A4GNT: variants seen among roughly 807,000 people sequenced by gnomAD.
The protein encoded by A4GNT is alpha-1,4-N-acetylglucosaminyltransferase.
Under a neutral mutation model 8.3 loss-of-function variants are expected in A4GNT, and 6 were observed. That is an observed-to-expected ratio of 0.72 (90% confidence interval 0.39 to 1.42). The LOEUF is 1.42. Ranked by LOEUF, A4GNT falls within the 40% of genes most tolerant of loss-of-function variation. A4GNT has a pLI of 0.02. For missense variants in A4GNT, 377 were observed against 417.0 expected, an observed-to-expected ratio of 0.90 and a Z score of 0.84; for synonymous variants, 157 against 159.8, an observed-to-expected ratio of 0.98 and a Z score of 0.13.
At position 138,124,239 on chromosome 3, in the gene A4GNT, C is replaced by A. The variant is rs754408747; in HGVS notation, c.*25G>T. On this transcript the variant is annotated 3_prime_UTR_variant, in exon 3 of 3. Transcript: ENST00000236709. ...CCAGGAAATGTCCATTTCCACACTG[C>A]AGCAGCAGCAAACGAGTGTTAGCTT... 7 of 1,595,802 alleles carry A rather than the reference C, an allele frequency of 4.4e-6. No individual in the cohort carries two copies. In the South Asian group the frequency reaches 6.7e-5, roughly 15 times the overall value.
Position 138,124,787 on chromosome 3 carries a change from T to C in A4GNT, c.500A>G (p.Asp167Gly), listed in dbSNP as rs754175702. ...GGGCCTGATGGAGATGACATCGGTG[T>C]CCATGTAGATGCCACCGTATTTCCA... ...IIWKYGGIYM[D>G]TDVISIRPIP... The change falls in exon 3 of 3, where the codon GAC becomes GGC. Residue 167 changes from aspartate (D) to glycine (G), a missense_variant. By Grantham distance (94) the Asp-to-Gly change is moderately conservative. Coordinates refer to ENST00000236709, the MANE Select transcript of A4GNT (RefSeq NM_016161.3). The C allele has an allele frequency of 2.1e-4, 339 of 1,613,948 alleles. No individual in the cohort carries two copies. The highest frequency in any genetic ancestry group is 2.8e-4 in the Non-Finnish European group (333 of 1,180,024).
rs2042773111 is a variant in A4GNT at position 138,130,997 on chromosome 3, A to G, written c.260T>C (p.Met87Thr). 1 of 1,614,180 alleles carries G rather than the reference A, an allele frequency of 6.2e-7. No homozygotes were observed. Among genetic ancestry groups the G allele is most frequent in the African/African-American group, 1.3e-5 (1 of 75,048 alleles). The change falls in exon 2 of 3, where the codon ATG (methionine) becomes ACG (threonine). Residue 87 changes from methionine to threonine, a missense_variant. Transcript: ENST00000236709. Reference sequence around the variant, plus strand: ...CGGTGTGGAATCAGTAAGACCCTTCATAAAGAACACCACAGGCCACTCAGG... The same window carrying G: ...CGGTGTGGAATCAGTAAGACCCTTCGTAAAGAACACCACAGGCCACTCAGG... ...IYPEWPVVFF[M>T]KGLTDSTPMP...
At position 138,128,481 on chromosome 3, in the gene A4GNT, G is replaced by T. The variant is rs535501314; in HGVS notation, c.408+2368C>A. On this transcript the variant is annotated intron_variant, in intron 2 of 2. Coordinates refer to ENST00000236709, the MANE Select transcript of A4GNT (RefSeq NM_016161.3). Reference sequence around the variant, plus strand: ...GCAAGAGAGAGAGTGGGGGTGGGGGGGTAGGTGCCACACACTTTTAAACAA... The same window carrying T: ...GCAAGAGAGAGAGTGGGGGTGGGGGTGTAGGTGCCACACACTTTTAAACAA... 1.6e-3 allele frequency among the ~76,000 whole-genome samples: 248 copies of T among 151,546 alleles called. 1 individual carries two copies. The highest frequency in any genetic ancestry group is 3.0e-3 in the Non-Finnish European group (201 of 67,910).
At chr3:138,132,395 T>G (rs1391638825), upstream of A4GNT, 1 of 152,246 alleles carries the variant, frequency 6.6e-6, no homozygotes, top group Admixed American at 6.5e-5. Flanking sequence ...AATGACAAGT[T>G]CTTCCTGCTA....
chr3:138,123,905 C>T lies in A4GNT; in HGVS notation c.*359G>A. On this transcript the variant is annotated 3_prime_UTR_variant, in exon 3 of 3. Coordinates refer to ENST00000236709, the MANE Select transcript of A4GNT (RefSeq NM_016161.3). Reference sequence around the variant, plus strand: ...CATTTTTTCTTCCTCCTTAAACTTCCCAGCCTCTCTTGCAGCTACATCTCA... The same window carrying T: ...CATTTTTTCTTCCTCCTTAAACTTCTCAGCCTCTCTTGCAGCTACATCTCA... 1 of 192,670 alleles carries T rather than the reference C, an allele frequency of 5.2e-6. No individual in the cohort carries two copies. Among genetic ancestry groups the T allele is most frequent in the Admixed American group, 5.5e-5 (1 of 18,260 alleles). 11.9% of individuals were successfully genotyped at this position (192,670 alleles called of 1,614,324 possible). A position where few individuals can be genotyped will look rare whatever the true frequency, so the allele number is the denominator to read the frequency against.
At chr3:138,129,224 T>A (rs990590688) in intron 2 of A4GNT, among the ~76,000 whole-genome samples, 7 of 152,184 alleles carry the variant, frequency 4.6e-5, no homozygotes, top group African/African-American at 7.2e-5. Flanking sequence ...TCCTGGAACC[T>A]GTTAATGTTA....
At position 138,124,484 on chromosome 3, in the gene A4GNT, C is replaced by A. The variant is rs771878705; in HGVS notation, c.803G>T (p.Trp268Leu). Residue 268 changes from tryptophan (W) to leucine (L), a missense_variant, in exon 3 of 3, where the codon TGG (tryptophan) becomes TTG (leucine). Physicochemically the swap from Trp to Leu is moderately conservative, Grantham distance 61 (BLOSUM62 -2). Transcript: ENST00000236709. ...QRFYPISYRE[W>L]RRYYEVWDTE... ...ATCCCACACTTCATAGTAGCGCCTC[C>A]ACTCTCGATAGGAGATGGGGTAAAA... 3.1e-6 allele frequency: 5 copies of A among 1,614,208 alleles called. No individual in the cohort carries two copies. The highest frequency in any genetic ancestry group is 3.3e-5 in the Admixed American group (2 of 60,032).
In A4GNT at chr3:138,130,873, T is replaced by C; in HGVS notation, c.384A>G (p.Thr128=). The C allele has an allele frequency of 1.2e-6, 2 of 1,614,074 alleles. No individual in the cohort carries two copies. Among genetic ancestry groups the C allele is most frequent in the East Asian group, 2.2e-5 (1 of 44,886 alleles). The part of the protein sequence containing the change: ...PLDMKRLLED[T]PLFSWYNQIN... ...CTTGATTGTACCATGAAAACAATGGTGTGTCTTCAAGCAGCCTTTTCATAT... is the reference window on the plus strand; with the variant it reads ...CTTGATTGTACCATGAAAACAATGGCGTGTCTTCAAGCAGCCTTTTCATAT... The change falls in exon 2 of 3, where the codon ACA becomes ACG. Residue 128 remains threonine (T), a synonymous_variant. Transcript: ENST00000236709.
chr3:138,130,887 G>A lies in A4GNT; in HGVS notation c.370C>T (p.Leu124=), dbSNP rs753881517. 38 of 1,614,004 alleles carry A rather than the reference G, an allele frequency of 2.4e-5. 1 individual carries two copies. The highest frequency in any genetic ancestry group is 2.1e-4 in the African/African-American group (16 of 74,892). ...GAAAACAATGGTGTGTCTTCAAGCA[G>A]CCTTTTCATATCCAAAGGGAAGAGG... is the stretch of plus-strand genomic sequence containing the variant. ...VFLFPLDMKR[L]LEDTPLFSWY... is the part of the protein sequence containing the mutation. The change falls in exon 2 of 3, where the codon CTG becomes TTG. Residue 124 remains leucine (L), a synonymous_variant. Transcript: ENST00000236709.
At chr3:138,133,160 T>C (rs1414993928), upstream of A4GNT, among the ~76,000 whole-genome samples, 2 of 152,222 alleles carry the variant, frequency 1.3e-5, no homozygotes, top group African/African-American at 4.8e-5. Context: ...GGCCTGCTCC[T>C]GAGCAGACTT....
chr3:138,130,527 C>T (rs1403811396), intron 2 of A4GNT, among the ~76,000 whole-genome samples: 1 of 151,494 alleles, frequency 6.6e-6, no homozygotes, highest in Non-Finnish European at 1.5e-5. Context: ...TAAAGTTTAA[C>T]ATAAGTGGAT....
chr3:138,125,991 A>G (rs1163285860), intron 2 of A4GNT, among the ~76,000 whole-genome samples: 1 of 152,204 alleles, frequency 6.6e-6, no homozygotes, highest in Non-Finnish European at 1.5e-5. Flanking sequence ...GTTATTTGAA[A>G]GGTTTAGAAG....
At chr3:138,131,910 A>G (rs927228792) in intron 1 of A4GNT, among the ~76,000 whole-genome samples, 7 of 152,240 alleles carry the variant, frequency 4.6e-5, no homozygotes, top group Admixed American at 4.6e-4. Context: ...GATCAGGAAT[A>G]TGATATGAAT....
chr3:138,124,421 A>C lies in A4GNT; in HGVS notation c.866T>G (p.Leu289Trp). ...PSFNVSYALH[L>W]WNHMNQEGRA... is the part of the protein sequence containing the mutation. ...CCCCTCCTGGTTCATGTGGTTCCAC[A>C]AATGCAGGGCATAAGAGACATTGAA... The change falls in exon 3 of 3, where the codon TTG becomes TGG. Residue 289 changes from leucine to tryptophan, a missense_variant. Transcript: ENST00000236709. The C allele has an allele frequency of 6.2e-7, 1 of 1,614,236 alleles. No individual in the cohort carries two copies. Among genetic ancestry groups the C allele is most frequent in the Non-Finnish European group, 8.5e-7 (1 of 1,180,054 alleles).
rs562853248 is a variant in A4GNT, at chr3:138,132,301, T to A, written c.-116A>T. 1 of 152,322 alleles carries A rather than the reference T, an allele frequency of 6.6e-6. No homozygotes were observed. The highest frequency in any genetic ancestry group is 2.4e-5 in the African/African-American group (1 of 41,576). 9.4% of individuals were successfully genotyped at this position (152,322 alleles called of 1,614,324 possible). On this transcript the variant is annotated 5_prime_UTR_variant, in exon 1 of 3. Coordinates refer to ENST00000236709, the MANE Select transcript of A4GNT (RefSeq NM_016161.3). ...GCAGGTCTATCTTTCAAATTACATA[T>A]AACCCTTTTAGAAAATACAAAACAG...
intron 2 of A4GNT, among the ~76,000 whole-genome samples, chr3:138,129,867 C>A (rs2724690): frequency 3.3e-5 from 5 of 152,014 alleles, no homozygotes; most frequent in African/African-American, 1.2e-4. Context: ...TGGGCTCCAG[C>A]GATCCTCCTG....
chr3:138,130,221 A>G (rs1461794680), intron 2 of A4GNT, among the ~76,000 whole-genome samples: 9 of 152,210 alleles, frequency 5.9e-5, no homozygotes, highest in Middle Eastern at 3.2e-3. Flanking sequence ...GTTTTAAAAA[A>G]TTATAGTTAA....
chr3:138,127,195 T>C (rs1651144419), intron 2 of A4GNT, among the ~76,000 whole-genome samples: 1 of 151,074 alleles, frequency 6.6e-6, no homozygotes, highest in African/African-American at 2.4e-5. Context: ...ATAGCTAACA[T>C]TTATCAATAA....
At chr3:138,127,012 A>G (rs1421338340) in intron 2 of A4GNT, among the ~76,000 whole-genome samples, 1 of 148,578 alleles carries the variant, frequency 6.7e-6, no homozygotes, top group Non-Finnish European at 1.5e-5. Context: ...GGCACCTGTA[A>G]TCCCAGCTAC....
Sources: allele counts gnomAD v4.1 joint callset (sites outside exome capture counted in the v4.1 genomes callset), GRCh38; gene constraint gnomAD v4.1.1; transcripts MANE v1.5; gene names NCBI Gene and HGNC (gene_info 2026-07-23, HGNC 2026-07-21).